Variants in PPARGC1A observed in about 807,000 individuals in gnomAD.
The protein encoded by PPARGC1A is peroxisome proliferator-activated receptor gamma coactivator 1-alpha.
A neutral mutation model predicts 88.7 loss-of-function variants in PPARGC1A; 25 were observed. The observed-to-expected ratio is 0.28, with a 90% confidence interval of 0.21 to 0.39. The LOEUF is 0.39. Ranked by LOEUF, PPARGC1A falls within the 10% of genes least tolerant of loss-of-function variation. The pLI, the probability that PPARGC1A is intolerant of heterozygous loss-of-function variation, is 1.00. For missense variants in PPARGC1A, 880 were observed against 968.7 expected, an observed-to-expected ratio of 0.91 and a Z score of 1.22; for synonymous variants, 363 against 355.6, an observed-to-expected ratio of 1.02 and a Z score of -0.24.
the PPARGC1A span, among the ~76,000 whole-genome samples, chr4:24,389,708 T>C: frequency 2.0e-5 from 3 of 152,212 alleles, no homozygotes; most frequent in Non-Finnish European, 4.4e-5. Context: ...TTATGCCTTT[T>C]GCATGCATAG....
the PPARGC1A span, among the ~76,000 whole-genome samples, chr4:24,471,938 C>CG: frequency 6.6e-6 from 1 of 152,156 alleles, no homozygotes; most frequent in Non-Finnish European, 1.5e-5. The surrounding 1 kb of genome is among the most constrained non-coding windows in gnomAD (Gnocchi z 5.4). Flanking sequence ...CAGCACGTCG[C>CG]GGGGGGCTTG....
chr4:24,179,306 C>T, the PPARGC1A span, among the ~76,000 whole-genome samples: 1 of 152,138 alleles, frequency 6.6e-6, no homozygotes, highest in South Asian at 2.1e-4. Flanking sequence ...TAATGCTTCC[C>T]TCCCTTGCAG....
At chr4:23,881,515 T>C (rs777500415) in intron 2 of PPARGC1A, among the ~76,000 whole-genome samples, 1 of 152,156 alleles carries the variant, frequency 6.6e-6, no homozygotes, top group Non-Finnish European at 1.5e-5. Context: ...TTCAAACATA[T>C]GGAAGAAACA....
the PPARGC1A span, among the ~76,000 whole-genome samples, chr4:24,308,688 C>CT: frequency 2.6e-5 from 4 of 152,066 alleles, no homozygotes; most frequent in Admixed American, 2.6e-4. Context: ...AGGCCTCCTG[C>CT]CTTGCTTTAA....
the PPARGC1A span, among the ~76,000 whole-genome samples, chr4:24,344,412 C>A: frequency 6.7e-6 from 1 of 149,476 alleles, no homozygotes; most frequent in African/African-American, 2.5e-5. Context: ...CCAACATCTA[C>A]TTTTTTTTTT....
At chr4:23,930,418 C>T in the PPARGC1A span, among the ~76,000 whole-genome samples, 709 of 152,256 alleles carry the variant, frequency 4.7e-3, 4 homozygotes, top group African/African-American at 0.016. Context: ...TTAGGTACAA[C>T]GCTGAAGGAC....
the PPARGC1A span, among the ~76,000 whole-genome samples, chr4:23,947,578 A>G: frequency 2.6e-5 from 4 of 151,316 alleles, no homozygotes; most frequent in Non-Finnish European, 5.9e-5. Context: ...CTCTTGCCCT[A>G]CTCTCTGAAG....
In PPARGC1A at chr4:23,794,541, T is replaced by G. The variant is rs1367058765; in HGVS notation, c.*1281A>C. 2.6e-5 allele frequency: 4 copies of G among 152,644 alleles called. No individual in the cohort carries two copies. In the East Asian group the frequency reaches 7.7e-4, roughly 30 times the overall value. The allele number at this position is 152,644 out of a possible 1,614,324, so 9.5% of individuals were successfully genotyped here. ...GTCTTTTTGTTTTTACAATCAAATATATATAAGCAGTAAGTTCAGCTTCTA... is the reference window on the plus strand; with the variant it reads ...GTCTTTTTGTTTTTACAATCAAATAGATATAAGCAGTAAGTTCAGCTTCTA... On this transcript the variant is annotated 3_prime_UTR_variant, in exon 13 of 13. Coordinates refer to ENST00000264867, the MANE Select transcript of PPARGC1A (RefSeq NM_013261.5).
chr4:23,996,688 C>T, the PPARGC1A span, among the ~76,000 whole-genome samples: 1 of 152,198 alleles, frequency 6.6e-6, no homozygotes, highest in African/African-American at 2.4e-5. Flanking sequence ...GGCCAAACGT[C>T]AGCAAACCCT....
the PPARGC1A span, among the ~76,000 whole-genome samples, chr4:24,089,514 C>CTTTTT: frequency 1.3e-4 from 5 of 38,686 alleles, no homozygotes; most frequent in South Asian, 9.2e-4. Flanking sequence ...TCTTTTCTTT[C>CTTTTT]TTTTTTTTTT....
the PPARGC1A span, among the ~76,000 whole-genome samples, chr4:24,393,921 C>G: frequency 6.6e-6 from 1 of 152,114 alleles, no homozygotes; most frequent in Non-Finnish European, 1.5e-5. Context: ...GAGTTTGAGA[C>G]CAGCCTGGGC....
chr4:23,931,950 T>C, the PPARGC1A span, among the ~76,000 whole-genome samples: 1 of 152,182 alleles, frequency 6.6e-6, no homozygotes, highest in Non-Finnish European at 1.5e-5. Flanking sequence ...ATGGGGATAA[T>C]GATACCCCAT....
chr4:24,278,786 G>C, the PPARGC1A span, among the ~76,000 whole-genome samples: 1 of 152,050 alleles, frequency 6.6e-6, no homozygotes, highest in Non-Finnish European at 1.5e-5. Context: ...CAACAAAGTC[G>C]TATGATTTTT....
chr4:23,818,847 T>G (rs1208947424), intron 7 of PPARGC1A, among the ~76,000 whole-genome samples: 1 of 138,754 alleles, frequency 7.2e-6, no homozygotes, highest in Non-Finnish European at 1.5e-5. Flanking sequence ...ATCTTTTTTT[T>G]TTTTTTTTTT....
intron 5 of PPARGC1A, among the ~76,000 whole-genome samples, chr4:23,826,255 C>T (rs979798892): frequency 6.6e-6 from 1 of 152,132 alleles, no homozygotes; most frequent in African/African-American, 2.4e-5. Context: ...TGAATAAACC[C>T]AGACTCTCTA....
the PPARGC1A span, among the ~76,000 whole-genome samples, chr4:24,296,046 GTGTA>G: frequency 6.7e-6 from 1 of 148,988 alleles, no homozygotes; most frequent in Non-Finnish European, 1.5e-5. Context: ...ATGTGTATGT[GTGTA>G]TGTGTATATA....
chr4:23,955,151 T>C, the PPARGC1A span, among the ~76,000 whole-genome samples: 1 of 152,200 alleles, frequency 6.6e-6, no homozygotes, highest in East Asian at 1.9e-4. Flanking sequence ...AATACCAACA[T>C]GGTTATTTGC....
chr4:24,242,460 G>A, the PPARGC1A span, among the ~76,000 whole-genome samples: 2 of 152,158 alleles, frequency 1.3e-5, no homozygotes, highest in African/African-American at 4.8e-5. Flanking sequence ...CTCACTTGCT[G>A]GCTTGGAAGA....
intron 10 of PPARGC1A, among the ~76,000 whole-genome samples, chr4:23,812,280 C>T (rs1338614785): frequency 1.3e-5 from 2 of 152,036 alleles, no homozygotes; most frequent in African/African-American, 4.8e-5. Flanking sequence ...TCCTCCACTG[C>T]TCCTTTAAAT....
Sources: gnomAD v4.1 joint callset for allele counts (sites outside exome capture counted in the v4.1 genomes callset) on GRCh38, gnomAD v4.1.1 for gene constraint, Gnocchi (gnomAD v3.1) non-coding constraint, MANE v1.5 for transcripts, NCBI Gene and HGNC (gene_info 2026-07-23, HGNC 2026-07-21) for gene names.